FLRT2: variants seen among roughly 807,000 people sequenced by gnomAD.
FLRT2 encodes leucine-rich repeat transmembrane protein FLRT2.
FLRT2 carries 15 observed loss-of-function variants against 40.0 expected under a neutral mutation model. The observed-to-expected ratio is 0.38, with a 90% CI of 0.25 to 0.58. FLRT2 has a LOEUF of 0.58. FLRT2 is among the 20% of genes least tolerant of loss of function. The pLI, the probability that FLRT2 is intolerant of heterozygous loss-of-function variation, is 0.71. For synonymous variants in FLRT2, 380 were observed against 336.8 expected, an observed-to-expected ratio of 1.13 and a Z score of -1.41; for missense variants, 726 against 840.0, an observed-to-expected ratio of 0.86 and a Z score of 1.68.
chr14:85,587,557 A>G (rs1891679436), intron 1 of FLRT2, among the ~76,000 whole-genome samples: 1 of 152,092 alleles, frequency 6.6e-6, no homozygotes, highest in South Asian at 2.1e-4. Flanking sequence ...ATGTCAACAA[A>G]TTAAAGGACT....
chr14:85,649,750 T>C lies in FLRT2; in HGVS notation c.*26253T>C, dbSNP rs1251513468. 6.6e-6 allele frequency: 1 copy of C among 152,114 alleles called. No individual in the cohort carries two copies. Among genetic ancestry groups the C allele is most frequent in the Non-Finnish European group, 1.5e-5 (1 of 67,998 alleles). The allele number at this position is 152,114 out of a possible 1,614,324, so 9.4% of individuals were successfully genotyped here. A position where few individuals can be genotyped will look rare whatever the true frequency, so the allele number is the denominator to read the frequency against. On this transcript the variant is annotated 3_prime_UTR_variant, in exon 2 of 2. Coordinates refer to ENST00000330753, the MANE Select transcript of FLRT2 (RefSeq NM_013231.6). Reference sequence around the variant, plus strand: ...TTTTTGTGTCAATGGTGAGTTCTTCTTTTTTCTTTACCTGAGTTGTATCAA... The same window carrying C: ...TTTTTGTGTCAATGGTGAGTTCTTCCTTTTTCTTTACCTGAGTTGTATCAA...
chr14:85,558,662 A>T (rs1890125699), intron 1 of FLRT2, among the ~76,000 whole-genome samples: 1 of 152,186 alleles, frequency 6.6e-6, no homozygotes, highest in Non-Finnish European at 1.5e-5. Context: ...AAATGACATC[A>T]CAAAAGAGAG....
chr14:85,628,236 T>C lies in FLRT2; in HGVS notation c.*4739T>C, dbSNP rs1893774146. ...TCTATGTTGTTTAGGATACAGATAA[T>C]GTCATTGTATTTATCCTATCAGAAT... On this transcript the variant is annotated 3_prime_UTR_variant, in exon 2 of 2. Transcript: ENST00000330753. 1.3e-5 allele frequency: 2 copies of C among 152,202 alleles called. No homozygotes were observed. Among genetic ancestry groups the C allele is most frequent in the South Asian group, 2.1e-4 (1 of 4,824 alleles). 9.4% of individuals were successfully genotyped at this position (152,202 alleles called of 1,614,324 possible). A position where few individuals can be genotyped will look rare whatever the true frequency, so the allele number is the denominator to read the frequency against.
In FLRT2 at chr14:85,648,830, G is replaced by T. The variant is rs990887429; in HGVS notation, c.*25333G>T. ...ATGCCTGCCTCCCATTAAGTTATAA[G>T]ATCCAGGAATTTAATAATTTATTTT... On this transcript the variant is annotated 3_prime_UTR_variant, in exon 2 of 2. Transcript: ENST00000330753. 6.6e-6 allele frequency: 1 copy of T among 152,092 alleles called. No homozygotes were observed. The highest frequency in any genetic ancestry group is 1.5e-5 in the Non-Finnish European group (1 of 68,036). 9.4% of individuals were successfully genotyped at this position (152,092 alleles called of 1,614,324 possible).
rs952070911 is a variant in FLRT2 at position 85,640,522 on chromosome 14, G to A, written c.*17025G>A. ...ACTGGGAGCCTTCTGGGAGCCAGAA[G>A]CAAATTAGGAGACACAGAATTATTT... On this transcript the variant is annotated 3_prime_UTR_variant, in exon 2 of 2. Transcript: ENST00000330753. 2.6e-5 allele frequency: 4 copies of A among 152,210 alleles called. No individual in the cohort carries two copies. The highest frequency in any genetic ancestry group is 9.6e-5 in the African/African-American group (4 of 41,548). The allele number at this position is 152,210 out of a possible 1,614,324, so 9.4% of individuals were successfully genotyped here.
chr14:85,616,480 C>T (rs979075258), intron 1 of FLRT2, among the ~76,000 whole-genome samples: 5 of 152,296 alleles, frequency 3.3e-5, no homozygotes, highest in African/African-American at 7.2e-5. Context: ...CAGTGAGAAG[C>T]GGACAGAGAG....
chr14:85,546,973 C>T lies in FLRT2; in HGVS notation c.-377+16439C>T, dbSNP rs187410235. Among the ~76,000 whole-genome samples, 91 of 152,328 alleles carry T rather than the reference C, an allele frequency of 6.0e-4. 3 individuals carry two copies. The South Asian group carries it at 0.012, about 20-fold the overall frequency. On this transcript the variant is annotated intron_variant, in intron 1 of 1. Transcript: ENST00000330753. ...TTATTCATCGTCACGTGTTCTGTCA[C>T]TAGTCTTAGGCACTTAAAACAAATT... is the stretch of plus-strand genomic sequence containing the variant.
intron 1 of FLRT2, among the ~76,000 whole-genome samples, chr14:85,581,275 A>G (rs1009674251): frequency 2.0e-5 from 3 of 152,212 alleles, no homozygotes; most frequent in Non-Finnish European, 4.4e-5. Context: ...GGGCAGCAGC[A>G]GTCCTTGAGT....
chr14:85,595,234 G>A (rs182043284), intron 1 of FLRT2, among the ~76,000 whole-genome samples: 21 of 152,154 alleles, frequency 1.4e-4, no homozygotes, highest in African/African-American at 5.1e-4. Context: ...CTTCCATAAT[G>A]CCCAAAGTCA....
chr14:85,593,816 C>T (rs1053105644), intron 1 of FLRT2, among the ~76,000 whole-genome samples: 17 of 152,066 alleles, frequency 1.1e-4, no homozygotes, highest in African/African-American at 3.9e-4. Context: ...TCAAGGCAGG[C>T]GGATCACTTG....
chr14:85,533,654 A>C (rs1343433376), intron 1 of FLRT2, among the ~76,000 whole-genome samples: 10 of 152,138 alleles, frequency 6.6e-5, no homozygotes, highest in Middle Eastern at 3.4e-3. Flanking sequence ...GCGGCGGCCG[A>C]AGCCAAGAGA....
rs1410951044 is a variant in FLRT2, at chr14:85,623,064, C to T, written c.1550C>T (p.Ser517Phe). 2 of 1,614,174 alleles carry T rather than the reference C, an allele frequency of 1.2e-6. No individual in the cohort carries two copies. Among genetic ancestry groups the T allele is most frequent in the South Asian group, 2.2e-5 (2 of 91,080 alleles). ...TICSEATTHA[S>F]YLNNGSNTAS... ...TGTTCAGAGGCCACCACCCATGCCTCCTATCTGAACAACGGCAGCAACACA... is the reference window on the plus strand; with the variant it reads ...TGTTCAGAGGCCACCACCCATGCCTTCTATCTGAACAACGGCAGCAACACA... Residue 517 changes from serine (S) to phenylalanine (F), a missense_variant, in exon 2 of 2, where the codon TCC becomes TTC. Ser to Phe is a radical substitution (Grantham distance 155). Coordinates refer to ENST00000330753, the MANE Select transcript of FLRT2 (RefSeq NM_013231.6).
intron 1 of FLRT2, among the ~76,000 whole-genome samples, chr14:85,566,639 T>C (rs113339021): frequency 9.3e-5 from 14 of 150,992 alleles, no homozygotes; most frequent in Non-Finnish European, 1.9e-4. Flanking sequence ...ATATTTCGTA[T>C]TCTTCAGTAG....
intron 1 of FLRT2, among the ~76,000 whole-genome samples, chr14:85,534,033 G>A (rs1198603463): frequency 2.6e-5 from 4 of 152,166 alleles, no homozygotes; most frequent in African/African-American, 9.6e-5. Flanking sequence ...ATGCCCCGCC[G>A]CTGCGCTCCC....
At chr14:85,603,882 G>A (rs1425383691) in intron 1 of FLRT2, among the ~76,000 whole-genome samples, 3 of 152,098 alleles carry the variant, frequency 2.0e-5, no homozygotes, top group Non-Finnish European at 2.9e-5. Flanking sequence ...AACCTGGATT[G>A]AGAATGGAGA....
chr14:85,613,074 A>G (rs959330445), intron 1 of FLRT2, among the ~76,000 whole-genome samples: 1 of 152,054 alleles, frequency 6.6e-6, no homozygotes, highest in Admixed American at 6.5e-5. Context: ...CGTTGATTCT[A>G]ACTGTGTGGA....
At chr14:85,546,736 C>T (rs973468813) in intron 1 of FLRT2, among the ~76,000 whole-genome samples, 2 of 152,194 alleles carry the variant, frequency 1.3e-5, no homozygotes, top group African/African-American at 4.8e-5. Context: ...CTACATGCAT[C>T]CGTCAAGAAT....
chr14:85,618,539 T>G (rs963256340), intron 1 of FLRT2, among the ~76,000 whole-genome samples: 3 of 152,194 alleles, frequency 2.0e-5, no homozygotes, highest in Non-Finnish European at 2.9e-5. Context: ...GTCATCTAGA[T>G]AAACATTTTC....
chr14:85,620,219 T>A (rs2139367334), intron 1 of FLRT2, among the ~76,000 whole-genome samples: 1 of 152,338 alleles, frequency 6.6e-6, no homozygotes, highest in Non-Finnish European at 1.5e-5. Context: ...TATACTACTT[T>A]TTTTTCTTTG....
Sources: gnomAD v4.1 joint callset for allele counts (sites outside exome capture counted in the v4.1 genomes callset) on GRCh38, gnomAD v4.1.1 for gene constraint, MANE v1.5 for transcripts, NCBI Gene and HGNC (gene_info 2026-07-23, HGNC 2026-07-21) for gene names.